NEK10: variants seen among roughly 807,000 people sequenced by gnomAD.
NEK10 encodes the protein NIMA related kinase 10.
NEK10 carries 122 observed loss-of-function variants against 159.8 expected under a neutral mutation model. That is an observed-to-expected ratio of 0.76 (90% confidence interval 0.66 to 0.89). The LOEUF is 0.89. Among genes scored for constraint, NEK10 ranks in the 40% least tolerant of loss-of-function variants. NEK10 has a pLI of 0.00. For synonymous variants in NEK10, 466 were observed against 457.1 expected (o/e 1.02, Z -0.25); for missense variants, 1,342 against 1,323.1 (o/e 1.01, Z -0.22).
intron 35 of NEK10, among the ~76,000 whole-genome samples, chr3:27,111,887 T>C (rs920510040): frequency 2.0e-5 from 3 of 152,210 alleles, no homozygotes; most frequent in African/African-American, 4.8e-5. Context: ...CTTATGTATA[T>C]AAAACGTAAT....
chr3:27,198,258 C>T (rs1052130149), intron 25 of NEK10, among the ~76,000 whole-genome samples: 2 of 150,768 alleles, frequency 1.3e-5, no homozygotes, highest in African/African-American at 2.4e-5. Context: ...TGACATTCTT[C>T]ACACCACTAA....
intron 22 of NEK10, among the ~76,000 whole-genome samples, chr3:27,273,718 T>C (rs928115453): frequency 6.6e-6 from 1 of 152,192 alleles, no homozygotes; most frequent in African/African-American, 2.4e-5. Flanking sequence ...AGGAGTCTAC[T>C]TGAGCACAAC....
At chr3:27,318,533 G>A (rs974406449) in intron 6 of NEK10, among the ~76,000 whole-genome samples, 3 of 152,184 alleles carry the variant, frequency 2.0e-5, no homozygotes, top group African/African-American at 7.2e-5. Flanking sequence ...TAAAACATAA[G>A]AATACACAAG....
At chr3:27,233,948 T>A (rs1184501956) in intron 23 of NEK10, among the ~76,000 whole-genome samples, 1 of 152,116 alleles carries the variant, frequency 6.6e-6, no homozygotes, top group Non-Finnish European at 1.5e-5. Context: ...ATTCCTGGAA[T>A]GCAAGGTTGG....
At chr3:27,178,187 AT>A (rs1947719177) in intron 26 of NEK10, among the ~76,000 whole-genome samples, 1 of 152,194 alleles carries the variant, frequency 6.6e-6, no homozygotes, top group South Asian at 2.1e-4. Context: ...ATAATGTAAT[AT>A]TTTTATGTGT....
At chr3:27,233,223 T>C (rs140002292) in intron 23 of NEK10, among the ~76,000 whole-genome samples, 141 of 151,984 alleles carry the variant, frequency 9.3e-4, no homozygotes, top group African/African-American at 3.3e-3. Context: ...CATCAAAAAG[T>C]GGGCAAAGCA....
Position 27,342,350 on chromosome 3 carries a change from G to A in NEK10, c.362+1922C>T, listed in dbSNP as rs576543339. On this transcript the variant is annotated intron_variant, in intron 5 of 35. Transcript: ENST00000691995. The stretch of plus-strand genomic sequence containing the variant: ...AGGAGGGATGATCCTGGCTATTTTA[G>A]CAAGGTTACATGGGGTGAGGCACAA... Among the ~76,000 whole-genome samples the A allele has an allele frequency of 2.0e-5, 3 of 152,274 alleles. No homozygotes were observed. The East Asian group carries it at 5.8e-4, about 29-fold the overall frequency.
At chr3:27,224,139 G>A (rs542371869) in intron 23 of NEK10, among the ~76,000 whole-genome samples, 2 of 152,372 alleles carry the variant, frequency 1.3e-5, no homozygotes, top group South Asian at 4.1e-4. Context: ...GAGAATGCCA[G>A]GTGAGGCAGA....
intron 19 of NEK10, among the ~76,000 whole-genome samples, chr3:27,288,471 C>G (rs1389143484): frequency 5.3e-5 from 8 of 152,138 alleles, no homozygotes. Context: ...AACCAAGTTC[C>G]TCTTAGTAAA....
In NEK10 at chr3:27,346,199, G is replaced by A. The variant is rs56125830; in HGVS notation, c.150C>T (p.Phe50=). The change falls in exon 4 of 36, where the codon TTC becomes TTT. Residue 50 remains phenylalanine (F), a synonymous_variant. Transcript: ENST00000691995. ...SSKQQLPAIN[F]DSAQNSMTKS... ...TCGTCATGCTATTTTGGGCACTATC[G>A]AAGTTAATGGCTGGAAGCTACAGAA... is the stretch of plus-strand genomic sequence containing the variant. The A allele has an allele frequency of 5.0e-6, 8 of 1,613,666 alleles. No individual in the cohort carries two copies. Among genetic ancestry groups the A allele is most frequent in the South Asian group, 1.1e-5 (1 of 91,082 alleles).
At chr3:27,116,267 C>T (rs1263144739) in intron 33 of NEK10, 140 bp from the exon 34 acceptor site, 2 of 738,552 alleles carry the variant, frequency 2.7e-6, no homozygotes, top group Non-Finnish European at 4.5e-6. Context: ...AATTCCAAAG[C>T]ATCTGCCTTG....
intron 23 of NEK10, chr3:27,215,064 C>A: frequency 5.3e-6 from 3 of 566,296 alleles, no homozygotes; most frequent in Non-Finnish European, 9.9e-6. Flanking sequence ...GCCGGCTTCC[C>A]GCTCCAACCC....
chr3:27,240,993 T>C (rs572431179), intron 23 of NEK10, among the ~76,000 whole-genome samples: 8 of 152,176 alleles, frequency 5.3e-5, no homozygotes, highest in African/African-American at 1.9e-4. Context: ...CTCATCAGCC[T>C]GGTATTGCTA....
chr3:27,205,293 T>A (rs577161643), intron 23 of NEK10, among the ~76,000 whole-genome samples: 1 of 141,550 alleles, frequency 7.1e-6, no homozygotes, highest in South Asian at 2.5e-4. Flanking sequence ...CAAGGTAATT[T>A]ACAGATTCAA....
chr3:27,309,190 T>G (rs1373380621), intron 9 of NEK10, 185 bp from the exon 10 acceptor site: 1 of 390,994 alleles, frequency 2.6e-6, no homozygotes, highest in Non-Finnish European at 4.7e-6. Context: ...GCATATACAA[T>G]TAAGCACAAA....
chr3:27,239,070 G>A (rs1954277294), intron 23 of NEK10, among the ~76,000 whole-genome samples: 1 of 152,072 alleles, frequency 6.6e-6, no homozygotes, highest in South Asian at 2.1e-4. Context: ...TTGCTTGTGG[G>A]AGGGGACCAA....
intron 10 of NEK10, among the ~76,000 whole-genome samples, chr3:27,308,673 C>T (rs2044433758): frequency 6.6e-6 from 1 of 152,052 alleles, no homozygotes; most frequent in Admixed American, 6.6e-5. Flanking sequence ...TTAGAAGTAA[C>T]TGAGGGTTAG....
At chr3:27,181,009 TC>T (rs1468554697) in intron 26 of NEK10, among the ~76,000 whole-genome samples, 1 of 152,080 alleles carries the variant, frequency 6.6e-6, no homozygotes, top group Non-Finnish European at 1.5e-5. Flanking sequence ...TCCTTGCTGT[TC>T]CCCGAGCTTG....
chr3:27,281,374 C>T (rs2042148891), intron 22 of NEK10, among the ~76,000 whole-genome samples: 1 of 151,966 alleles, frequency 6.6e-6, no homozygotes, highest in African/African-American at 2.4e-5. Flanking sequence ...ATTTTAAAGA[C>T]CCATCCAAAG....
Sources: allele counts gnomAD v4.1 joint callset (sites outside exome capture counted in the v4.1 genomes callset), GRCh38; gene constraint gnomAD v4.1.1; transcripts MANE v1.5; gene names NCBI Gene and HGNC (gene_info 2026-07-23, HGNC 2026-07-21).